SDK1: variants seen among roughly 807,000 people sequenced by gnomAD.
SDK1 encodes the protein protein sidekick-1.
SDK1 carries 157 observed loss-of-function variants against 245.5 expected under a neutral mutation model. That is an observed-to-expected ratio of 0.64 (90% CI 0.56 to 0.73). SDK1 has a LOEUF of 0.73. SDK1 is among the 30% of genes least tolerant of loss of function. The pLI is 0.00. For synonymous variants in SDK1, 1,647 were observed against 1,278.5 expected, an observed-to-expected ratio of 1.29 and a Z score of -6.15; for missense variants, 3,583 against 3,002.3, an observed-to-expected ratio of 1.19 and a Z score of -4.52.
intron 4 of SDK1, among the ~76,000 whole-genome samples, chr7:3,797,195 G>A (rs1778981503): frequency 1.3e-5 from 2 of 151,762 alleles, no homozygotes; most frequent in Non-Finnish European, 1.5e-5. Context: ...TCGTAGAGAT[G>A]GGGTCTCTAA....
intron 1 of SDK1, among the ~76,000 whole-genome samples, chr7:3,615,488 G>T (rs547005259): frequency 6.6e-6 from 1 of 151,858 alleles, no homozygotes; most frequent in East Asian, 1.9e-4. Context: ...TACATGTGCT[G>T]TCACAGCATC....
chr7:3,889,787 C>T (rs1781416085), intron 5 of SDK1, among the ~76,000 whole-genome samples: 1 of 152,200 alleles, frequency 6.6e-6, no homozygotes, highest in Non-Finnish European at 1.5e-5. Flanking sequence ...GGATTACAGG[C>T]ATGAGCCATC....
chr7:4,061,675 A>G (rs942164208), intron 19 of SDK1, among the ~76,000 whole-genome samples: 11 of 152,180 alleles, frequency 7.2e-5, no homozygotes, highest in Non-Finnish European at 1.3e-4. Flanking sequence ...ATAAAGACAT[A>G]TGCACACGTA....
intron 4 of SDK1, among the ~76,000 whole-genome samples, chr7:3,682,848 C>G (rs1035145619): frequency 6.6e-6 from 1 of 151,966 alleles, no homozygotes; most frequent in Non-Finnish European, 1.5e-5. Context: ...AAGTGATTCT[C>G]CTGCCTCAGC....
chr7:3,424,872 T>C (rs1013935385), intron 1 of SDK1, among the ~76,000 whole-genome samples: 3 of 152,130 alleles, frequency 2.0e-5, no homozygotes, highest in Admixed American at 2.0e-4. Context: ...ACTCCAGCCT[T>C]GGTGACAGAG....
chr7:3,366,039 CA>C lies in SDK1; in HGVS notation c.298+64169del, dbSNP rs59233768. 6.7e-3 allele frequency among the ~76,000 whole-genome samples: 944 copies of C among 140,168 alleles called. 11 individuals carry two copies. The highest frequency in any genetic ancestry group is 0.066 in the East Asian group (319 of 4,832). 92.0% of individuals were successfully genotyped at this position (140,168 alleles called of 152,430 possible). ...GGGCGACAAGAATGAAATTCTGTCT[CA>C]AAAAAAAAAAAAAGTCTCTTCATAT... On this transcript the variant is annotated intron_variant, in intron 1 of 44. Transcript: ENST00000404826.
rs576398057 is a variant in SDK1, at chr7:3,664,923, AG to A, written c.713+22820del. 1.1e-4 allele frequency among the ~76,000 whole-genome samples: 16 copies of A among 152,290 alleles called. No homozygotes were observed. The East Asian group carries it at 3.1e-3, about 29-fold the overall frequency. On this transcript the variant is annotated intron_variant, in intron 4 of 44. Coordinates refer to ENST00000404826, the MANE Select transcript of SDK1 (RefSeq NM_152744.4). ...ATTTGAAAAATGGCAATGATTTTGGAGGACAGTCTGTCATTTTCCAGAGGAA... is the reference window on the plus strand; with the variant it reads ...ATTTGAAAAATGGCAATGATTTTGGAGACAGTCTGTCATTTTCCAGAGGAA...
intron 11 of SDK1, 82 bp from the exon 12 acceptor site, chr7:3,971,384 A>T: frequency 2.3e-6 from 2 of 888,872 alleles, no homozygotes; most frequent in Admixed American, 2.0e-5. Flanking sequence ...GTGATGTCAG[A>T]TGACCAGGGC....
chr7:3,721,403 T>C (rs1778793580), intron 4 of SDK1, among the ~76,000 whole-genome samples: 1 of 152,230 alleles, frequency 6.6e-6, no homozygotes. Flanking sequence ...TGGGTTTCAC[T>C]GTACATTTCT....
chr7:3,565,481 C>T (rs868654008), intron 1 of SDK1, among the ~76,000 whole-genome samples: 2 of 152,096 alleles, frequency 1.3e-5, no homozygotes, highest in Admixed American at 6.5e-5. Flanking sequence ...GCATATGGAT[C>T]TAAAGGAATA....
intron 28 of SDK1, among the ~76,000 whole-genome samples, chr7:4,145,332 C>G (rs117066656): frequency 6.6e-6 from 1 of 152,164 alleles, no homozygotes; most frequent in Non-Finnish European, 1.5e-5. Flanking sequence ...AAGAATTAAA[C>G]GACTTCCTAA....
chr7:3,438,645 T>A (rs972891785), intron 1 of SDK1, among the ~76,000 whole-genome samples: 1 of 152,154 alleles, frequency 6.6e-6, no homozygotes, highest in Non-Finnish European at 1.5e-5. Flanking sequence ...TCTGGGGCTG[T>A]CACTTAGTTG....
intron 5 of SDK1, among the ~76,000 whole-genome samples, chr7:3,869,509 C>T (rs1780906901): frequency 6.6e-6 from 1 of 152,156 alleles, no homozygotes; most frequent in Non-Finnish European, 1.5e-5. Context: ...CAGAGGGAAG[C>T]AGGATAGCTG....
At chr7:3,893,815 G>A (rs748863798) in intron 5 of SDK1, among the ~76,000 whole-genome samples, 1 of 151,778 alleles carries the variant, frequency 6.6e-6, no homozygotes, top group Non-Finnish European at 1.5e-5. Flanking sequence ...CCAGTCACCT[G>A]CCCCCACCCT....
chr7:3,786,552 C>T (rs929735913), intron 4 of SDK1, among the ~76,000 whole-genome samples: 1 of 152,118 alleles, frequency 6.6e-6, no homozygotes, highest in Admixed American at 6.5e-5. Context: ...AGAATACAGA[C>T]AAAAATGCAA....
At chr7:3,311,965 C>T (rs1779560901) in intron 1 of SDK1, among the ~76,000 whole-genome samples, 1 of 152,126 alleles carries the variant, frequency 6.6e-6, no homozygotes, top group Non-Finnish European at 1.5e-5. Flanking sequence ...TCTGCATAGA[C>T]TTGGAAGGTG....
chr7:3,941,553 C>T (rs559076745), intron 5 of SDK1, among the ~76,000 whole-genome samples: 184 of 152,252 alleles, frequency 1.2e-3, no homozygotes, highest in Admixed American at 4.4e-3. Context: ...AAATGCCTTT[C>T]CTTCCATTGT....
chr7:3,726,938 T>A (rs1222542531), intron 4 of SDK1, among the ~76,000 whole-genome samples: 4 of 152,226 alleles, frequency 2.6e-5, no homozygotes, highest in Non-Finnish European at 4.4e-5. Context: ...GCTAGATAGA[T>A]TGGAAAGAAA....
chr7:3,432,545 C>G (rs776574229), intron 1 of SDK1, among the ~76,000 whole-genome samples: 19 of 152,082 alleles, frequency 1.2e-4, no homozygotes, highest in Admixed American at 2.0e-4. Context: ...ATTTAGGTAA[C>G]TATTTTAGTT....
Sources: allele counts gnomAD v4.1 joint callset (sites outside exome capture counted in the v4.1 genomes callset), GRCh38; gene constraint gnomAD v4.1.1; transcripts MANE v1.5; gene names NCBI Gene and HGNC (gene_info 2026-07-23, HGNC 2026-07-21).